The following UPP1 variants were observed in gnomAD, a reference collection of about 807,000 sequenced individuals.
UPP1 encodes UPase 1.
A neutral mutation model predicts 29.6 loss-of-function variants in UPP1; 25 were observed. The ratio of observed to expected loss-of-function variants is 0.85; its 90% CI spans 0.62 to 1.18. The LOEUF is 1.18. Ranked by LOEUF, UPP1 falls within the 50% of genes most tolerant of loss-of-function variation. The pLI is 0.00. For synonymous variants in UPP1, 165 were observed against 159.8 expected (o/e 1.03, Z -0.25); for missense variants, 368 against 410.4 (o/e 0.90, Z 0.89).
intron 8 of UPP1, 95 bp downstream of exon 8, chr7:48,107,602 G>T: frequency 1.4e-6 from 2 of 1,429,244 alleles, no homozygotes; most frequent in Non-Finnish European, 1.9e-6. Flanking sequence ...GGGGCACCCC[G>T]ATACCCATTT....
chr7:48,100,934 T>G (rs997372712), intron 4 of UPP1, among the ~76,000 whole-genome samples: 6 of 152,090 alleles, frequency 3.9e-5, no homozygotes, highest in Non-Finnish European at 8.8e-5. Flanking sequence ...TTTTTTGACC[T>G]GGAGTCTCAC....
At chr7:48,102,218 C>T (rs1276347150) in intron 5 of UPP1, among the ~76,000 whole-genome samples, 1 of 152,172 alleles carries the variant, frequency 6.6e-6, no homozygotes, top group Non-Finnish European at 1.5e-5. Context: ...TGTCTGTCTA[C>T]ACAGTGTGAG....
chr7:48,106,886 C>T lies in UPP1; in HGVS notation c.450C>T (p.Gly150=). The T allele has an allele frequency of 6.2e-7, 1 of 1,613,772 alleles. No homozygotes were observed. The highest frequency in any genetic ancestry group is 8.5e-7 in the Non-Finnish European group (1 of 1,179,942). The stretch of plus-strand genomic sequence containing the variant: ...TTTTTTCCTCAGGTCTGGAGCCCGG[C>T]ACTGTGGTCATAACAGAGCAGGCAG... ...GTSGGIGLEP[G]TVVITEQAVD... Residue 150 remains glycine, a synonymous_variant, in exon 7 of 9, where the codon GGC becomes GGT. Transcript: ENST00000395564.
chr7:48,094,022 T>C lies in UPP1; in HGVS notation c.-21-741T>C, dbSNP rs376212181. Among the ~76,000 whole-genome samples, 260 of 152,114 alleles carry C rather than the reference T, an allele frequency of 1.7e-3. 11 individuals carry two copies. The South Asian group carries it at 0.047, about 28-fold the overall frequency. ...TAAAAATACAAAAATTAGCTGAACA[T>C]GGTGGCGTGTGTCTGTAGTCTCAGC... On this transcript the variant is annotated intron_variant, in intron 2 of 8. Transcript: ENST00000395564.
intron 8 of UPP1, 34 bp downstream of exon 8, chr7:48,107,541 C>A (rs774031790): frequency 6.4e-7 from 1 of 1,574,454 alleles, no homozygotes; most frequent in Non-Finnish European, 8.6e-7. Context: ...GGCGTCCCCT[C>A]CTCCCTTCAC....
chr7:48,107,534 G>T, intron 8 of UPP1, 27 bp downstream of exon 8: 1 of 1,582,862 alleles, frequency 6.3e-7, no homozygotes, highest in South Asian at 1.1e-5. Context: ...GGGCCTCGGC[G>T]TCCCCTCCTC....
chr7:48,095,358 G>A (rs1015554577), intron 3 of UPP1, among the ~76,000 whole-genome samples: 2 of 151,942 alleles, frequency 1.3e-5, no homozygotes, highest in African/African-American at 4.8e-5. Context: ...CACCTCTGCT[G>A]GGGTTACCTG....
Position 48,108,352 on chromosome 7 carries a change from GC to G in UPP1, c.930del (p.Ter311GlufsTer50). 1 of 1,613,374 alleles carries G rather than the reference GC, an allele frequency of 6.2e-7. No homozygotes were observed. Among genetic ancestry groups the G allele is most frequent in the Non-Finnish European group, 8.5e-7 (1 of 1,179,416 alleles). ...CTTCATCAAGAAGAAACTGAGCAAG[GC>G]CTGAGCGCTGCCCTGCACCTCCGCA... Reference protein sequence around the residue: ...SYFIKKKLSKA With the variant: ...SYFIKKKLSKX On this transcript the variant is annotated frameshift_variant, in exon 9 of 9. Coordinates refer to ENST00000395564, the MANE Select transcript of UPP1 (RefSeq NM_003364.4). LOFTEE classifies it high-confidence loss of function.
intron 2 of UPP1, among the ~76,000 whole-genome samples, chr7:48,091,663 C>T (rs536916450): frequency 2.0e-5 from 3 of 152,268 alleles, no homozygotes; most frequent in East Asian, 1.9e-4. Flanking sequence ...TCTCTGCCTA[C>T]GTGGGTGTGG....
chr7:48,104,803 C>G (rs1792639605), intron 6 of UPP1: 1 of 152,214 alleles, frequency 6.6e-6, no homozygotes, highest in Admixed American at 6.5e-5. Context: ...CACAGCTGTG[C>G]ATAGCATGCT....
chr7:48,101,760 G>A lies in UPP1; in HGVS notation c.163-64G>A, dbSNP rs182260972. ...TAATACTGATGTTGCTGGTCTAGGGGCCCCACTTGAGGACCTCTGCTATAG... is the reference window on the plus strand; with the variant it reads ...TAATACTGATGTTGCTGGTCTAGGGACCCCACTTGAGGACCTCTGCTATAG... On this transcript the variant is annotated intron_variant, in intron 4 of 8. Transcript: ENST00000395564. 8.9e-3 allele frequency: 13,695 copies of A among 1,546,118 alleles called. 72 individuals are homozygous for A. The highest frequency in any genetic ancestry group is 0.01 in the Non-Finnish European group (11,916 of 1,145,910).
Position 48,091,064 on chromosome 7 carries a change from A to G in UPP1, c.-22+700A>G, listed in dbSNP as rs188403287. 5.2e-4 allele frequency among the ~76,000 whole-genome samples: 79 copies of G among 152,352 alleles called. 1 individual carries two copies. The East Asian group carries it at 0.015, about 29-fold the overall frequency. ...AAAACCCAAAAACCAAAAATCAAAT[A>G]TATAACAGAAAATGAAACTTCTAGG... On this transcript the variant is annotated intron_variant, in intron 2 of 8. Coordinates refer to ENST00000395564, the MANE Select transcript of UPP1 (RefSeq NM_003364.4).
chr7:48,096,872 G>A (rs575161183), intron 3 of UPP1, among the ~76,000 whole-genome samples: 1 of 151,940 alleles, frequency 6.6e-6, no homozygotes, highest in Non-Finnish European at 1.5e-5. Flanking sequence ...GCTAATTTTT[G>A]TATTTTTCAC....
At chr7:48,093,526 T>C (rs996101998) in intron 2 of UPP1, among the ~76,000 whole-genome samples, 1 of 152,194 alleles carries the variant, frequency 6.6e-6, no homozygotes, top group African/African-American at 2.4e-5. Context: ...GCCTGGCCAT[T>C]ACAGGGCATT....
chr7:48,096,046 C>A (rs1792112782), intron 3 of UPP1, among the ~76,000 whole-genome samples: 2 of 152,214 alleles, frequency 1.3e-5, no homozygotes, highest in Non-Finnish European at 2.9e-5. Flanking sequence ...TCCCCTCCTT[C>A]CTCCTCCTGC....
chr7:48,093,607 A>T (rs1429550678), intron 2 of UPP1, among the ~76,000 whole-genome samples: 1 of 151,992 alleles, frequency 6.6e-6, no homozygotes, highest in East Asian at 1.9e-4. Flanking sequence ...CTCTGGCAAA[A>T]CCCTGCCCTT....
At chr7:48,106,804 C>G in intron 6 of UPP1, 69 bp from the exon 7 acceptor site, 2 of 1,486,944 alleles carry the variant, frequency 1.3e-6, no homozygotes, top group Non-Finnish European at 1.9e-6. Context: ...TGTGTGCTCC[C>G]TGGCTGCCCT....
chr7:48,093,843 G>A (rs1056536439), intron 2 of UPP1, among the ~76,000 whole-genome samples: 9 of 152,108 alleles, frequency 5.9e-5, no homozygotes, highest in African/African-American at 2.2e-4. Flanking sequence ...TTCCTGGGGA[G>A]AAGAGCATCT....
At chr7:48,105,177 A>C (rs954941915) in intron 6 of UPP1, 2 of 152,770 alleles carry the variant, frequency 1.3e-5, no homozygotes, top group Admixed American at 6.5e-5. Flanking sequence ...GGCAGCTGAC[A>C]CTGGAGGGGG....
Sources: allele counts gnomAD v4.1 joint callset (sites outside exome capture counted in the v4.1 genomes callset), GRCh38; gene constraint gnomAD v4.1.1; transcripts MANE v1.5; gene names NCBI Gene and HGNC (gene_info 2026-07-23, HGNC 2026-07-21).